ARF1: variants seen among roughly 807,000 people sequenced by gnomAD.
ARF1 encodes ARF GTPase 1, also known as ADP-ribosylation factor 1.
Under a neutral mutation model 18.0 loss-of-function variants are expected in ARF1, and 1 was observed. That is an observed-to-expected ratio of 0.06 (90% CI 0.02 to 0.26). ARF1 has a LOEUF of 0.26. Among genes scored for constraint, ARF1 ranks in the 10% least tolerant of loss-of-function variants. ARF1 has a pLI of 1.00. For missense variants in ARF1, 73 were observed against 247.2 expected, an observed-to-expected ratio of 0.30 and a Z score of 4.73; for synonymous variants, 112 against 96.3, an observed-to-expected ratio of 1.16 and a Z score of -0.95.
Position 228,097,801 on chromosome 1 carries a change from C to A in ARF1, c.385-51C>A. 6.3e-7 allele frequency: 1 copy of A among 1,590,758 alleles called. No homozygotes were observed. The highest frequency in any genetic ancestry group is 8.6e-7 in the Non-Finnish European group (1 of 1,166,598). On this transcript the variant is annotated intron_variant, in intron 4 of 4. Coordinates refer to ENST00000272102, the MANE Select transcript of ARF1 (RefSeq NM_001658.4). This position sits in a 1 kb window ranked among gnomAD's most constrained non-coding sequence, Gnocchi z 8.1. ...GGGGTTACTGGAGGCTGGTGGGGCCCCTTTCTCTGTCCTGTGGACAGCCCT... is the reference window on the plus strand; with the variant it reads ...GGGGTTACTGGAGGCTGGTGGGGCCACTTTCTCTGTCCTGTGGACAGCCCT...
In ARF1 at chr1:228,097,541, C is replaced by G. The variant is rs373902191; in HGVS notation, c.260-50C>G. The G allele has an allele frequency of 1.9e-6, 3 of 1,613,830 alleles. No individual in the cohort carries two copies. Among genetic ancestry groups the G allele is most frequent in the South Asian group, 1.1e-5 (1 of 91,076 alleles). On this transcript the variant is annotated intron_variant, in intron 3 of 4. Coordinates refer to ENST00000272102, the MANE Select transcript of ARF1 (RefSeq NM_001658.4). This position sits in a 1 kb window ranked among gnomAD's most constrained non-coding sequence, Gnocchi z 8.1. ...GATGGGGCATCGATGCCCATAGATGCGGCAGGGGGGCTGTGTTCCCATGAC... is the reference window on the plus strand; with the variant it reads ...GATGGGGCATCGATGCCCATAGATGGGGCAGGGGGGCTGTGTTCCCATGAC...
intron 1 of ARF1, among the ~76,000 whole-genome samples, chr1:228,083,977 TG>T (rs2032307515): frequency 6.6e-6 from 1 of 152,076 alleles, no homozygotes; most frequent in African/African-American, 2.4e-5. Flanking sequence ...CCTGTTGGAG[TG>T]GGCAGTTGTA....
At chr1:228,088,433 A>C (rs559809416) in intron 1 of ARF1, among the ~76,000 whole-genome samples, 4 of 152,130 alleles carry the variant, frequency 2.6e-5, no homozygotes, top group African/African-American at 9.7e-5. Flanking sequence ...GGGTGGCAGC[A>C]CTGGCACCTT....
At chr1:228,096,564 T>A (rs2032754145) in intron 1 of ARF1, 1 of 153,070 alleles carries the variant, frequency 6.5e-6, no homozygotes, top group African/African-American at 2.4e-5. Context: ...AGGGAACCCC[T>A]ACCCTTGCGG....
In ARF1 at chr1:228,097,843, T is replaced by A; in HGVS notation, c.385-9T>A. The A allele has an allele frequency of 6.2e-7, 1 of 1,611,784 alleles. No homozygotes were observed. Among genetic ancestry groups the A allele is most frequent in the Non-Finnish European group, 8.5e-7 (1 of 1,178,558 alleles). On this transcript the variant is annotated splice_polypyrimidine_tract_variant and intron_variant, in intron 4 of 4. Coordinates refer to ENST00000272102, the MANE Select transcript of ARF1 (RefSeq NM_001658.4). The surrounding 1 kb of genome is among the most constrained non-coding windows in gnomAD (Gnocchi z 8.1). ...GACAGCCCTTCCCACCAACCCTTCC[T>A]TCCCCCAGGACCTCCCCAACGCCAT...
chr1:228,097,836 CCCTT>C lies in ARF1; in HGVS notation c.385-9_385-6del, dbSNP rs779130765. On this transcript the variant is annotated splice_polypyrimidine_tract_variant and intron_variant, in intron 4 of 4. Coordinates refer to ENST00000272102, the MANE Select transcript of ARF1 (RefSeq NM_001658.4). The surrounding 1 kb of genome is among the most constrained non-coding windows in gnomAD (Gnocchi z 8.1). ...TCCTGTGGACAGCCCTTCCCACCAA[CCCTT>C]CCTTCCCCCAGGACCTCCCCAACGC... 3 of 1,610,318 alleles carry C rather than the reference CCCTT, an allele frequency of 1.9e-6. No individual in the cohort carries two copies. The South Asian group carries it at 3.3e-5, about 18-fold the overall frequency.
chr1:228,094,194 G>A (rs1472445186), intron 1 of ARF1, among the ~76,000 whole-genome samples: 2 of 152,142 alleles, frequency 1.3e-5, no homozygotes, highest in African/African-American at 4.8e-5. Flanking sequence ...CCCAAGTGCT[G>A]TGCTTCAGTG....
rs1400188719 is a variant in ARF1, at chr1:228,089,093, C to G, written c.-38+6328C>G. Among the ~76,000 whole-genome samples, 1 of 152,078 alleles carries G rather than the reference C, an allele frequency of 6.6e-6. No homozygotes were observed. Among genetic ancestry groups the G allele is most frequent in the African/African-American group, 2.4e-5 (1 of 41,386 alleles). On this transcript the variant is annotated intron_variant, in intron 1 of 4. Coordinates refer to ENST00000272102, the MANE Select transcript of ARF1 (RefSeq NM_001658.4). This position sits in a 1 kb window ranked among gnomAD's most constrained non-coding sequence, Gnocchi z 4.1. ...CTACTCGCATCACAGCGGAGAATGC[C>G]TGTTGGGTTTGGGAGGGGGGTTTCG...
intron 1 of ARF1, among the ~76,000 whole-genome samples, 155 bp from the exon 2 acceptor site, chr1:228,096,923 G>A (rs1478043493): frequency 1.3e-5 from 2 of 152,168 alleles, no homozygotes; most frequent in African/African-American, 2.4e-5. Context: ...ATCCTGAGGT[G>A]GATTTGGGGG....
rs1201556083 is a variant in ARF1 at position 228,097,513 on chromosome 1, A to G, written c.259+61A>G. On this transcript the variant is annotated intron_variant, in intron 3 of 4. Transcript: ENST00000272102. This position sits in a 1 kb window ranked among gnomAD's most constrained non-coding sequence, Gnocchi z 8.1. ...GCTTCTAGAGAGGGGGGGCCAGCCC[A>G]TAGATGGGGCATCGATGCCCATAGA... 1.2e-6 allele frequency: 2 copies of G among 1,613,700 alleles called. No homozygotes were observed. Among genetic ancestry groups the G allele is most frequent in the African/African-American group, 1.3e-5 (1 of 74,872 alleles).
Position 228,097,041 on chromosome 1 carries a change from A to C in ARF1, c.-37-37A>C. On this transcript the variant is annotated intron_variant, in intron 1 of 4. Transcript: ENST00000272102. The surrounding 1 kb of genome is among the most constrained non-coding windows in gnomAD (Gnocchi z 8.1). The stretch of plus-strand genomic sequence containing the variant: ...GGGTTCTGAGCAACCACTGCTGGGC[A>C]GCACAGAACCAGACATGGAGCACCT... 2.6e-6 allele frequency: 4 copies of C among 1,516,776 alleles called. No homozygotes were observed. The highest frequency in any genetic ancestry group is 3.5e-6 in the Non-Finnish European group (4 of 1,126,968). The allele number at this position is 1,516,776 out of a possible 1,614,324, so 94.0% of individuals were successfully genotyped here.
At chr1:228,085,469 G>C (rs2032363755) in intron 1 of ARF1, among the ~76,000 whole-genome samples, 1 of 152,190 alleles carries the variant, frequency 6.6e-6, no homozygotes, top group Admixed American at 6.5e-5. Flanking sequence ...CCTCCCCCAG[G>C]GTCCTGTCAC....
rs780499813 is a variant in ARF1, at chr1:228,097,562, A to G, written c.260-29A>G. On this transcript the variant is annotated intron_variant, in intron 3 of 4. Coordinates refer to ENST00000272102, the MANE Select transcript of ARF1 (RefSeq NM_001658.4). The surrounding 1 kb of genome is among the most constrained non-coding windows in gnomAD (Gnocchi z 8.1). ...GATGCGGCAGGGGGGCTGTGTTCCC[A>G]TGACCATTTGACACTGGCTGCCCGG... 9 of 1,613,970 alleles carry G rather than the reference A, an allele frequency of 5.6e-6. No individual in the cohort carries two copies. Among genetic ancestry groups the G allele is most frequent in the Admixed American group, 5.0e-5 (3 of 60,014 alleles).
At chr1:228,083,687 G>T (rs2032296795) in intron 1 of ARF1, among the ~76,000 whole-genome samples, 2 of 152,360 alleles carry the variant, frequency 1.3e-5, no homozygotes, top group South Asian at 4.1e-4. Flanking sequence ...GCAGACTCTA[G>T]GCCGCAGAGG....
intron 1 of ARF1, among the ~76,000 whole-genome samples, chr1:228,086,885 A>C (rs1240335688): frequency 6.6e-6 from 1 of 152,226 alleles, no homozygotes; most frequent in African/African-American, 2.4e-5. Flanking sequence ...GATTGCCTCC[A>C]GGTAGACAGT....
chr1:228,098,288 G>T lies in ARF1; in HGVS notation c.*275G>T. 1 of 292,282 alleles carries T rather than the reference G, an allele frequency of 3.4e-6. No homozygotes were observed. The highest frequency in any genetic ancestry group is 6.3e-6 in the Non-Finnish European group (1 of 159,626). 18.1% of individuals were successfully genotyped at this position (292,282 alleles called of 1,614,324 possible). Reference sequence around the variant, plus strand: ...AAAAATCAACTCACTGTTCAGTGCTGAGAGGGGATGTAGGCCCATGGGCAC... The same window carrying T: ...AAAAATCAACTCACTGTTCAGTGCTTAGAGGGGATGTAGGCCCATGGGCAC... On this transcript the variant is annotated 3_prime_UTR_variant, in exon 5 of 5. Coordinates refer to ENST00000272102, the MANE Select transcript of ARF1 (RefSeq NM_001658.4).
At position 228,089,358 on chromosome 1, in the gene ARF1, C is replaced by T. The variant is rs1344309733; in HGVS notation, c.-38+6593C>T. 6.6e-6 allele frequency among the ~76,000 whole-genome samples: 1 copy of T among 152,134 alleles called. No homozygotes were observed. The highest frequency in any genetic ancestry group is 6.5e-5 in the Admixed American group (1 of 15,274). The stretch of plus-strand genomic sequence containing the variant: ...GATTTCCTGCAAGGGCGGTGGCCTC[C>T]CAGGGTCTGTGGGGGGGCATCCCCG... On this transcript the variant is annotated intron_variant, in intron 1 of 4. Transcript: ENST00000272102. The surrounding 1 kb of genome is among the most constrained non-coding windows in gnomAD (Gnocchi z 4.1).
Position 228,090,941 on chromosome 1 carries a change from A to G in ARF1, c.-37-6137A>G, listed in dbSNP as rs190223947. On this transcript the variant is annotated intron_variant, in intron 1 of 4. Coordinates refer to ENST00000272102, the MANE Select transcript of ARF1 (RefSeq NM_001658.4). ...GAGGTCATGAGACACTGCCTTCAGCAGCCCTGGGAGTCCACCTGGTGTGTG... is the reference window on the plus strand; with the variant it reads ...GAGGTCATGAGACACTGCCTTCAGCGGCCCTGGGAGTCCACCTGGTGTGTG... 8 of 152,388 alleles carry G rather than the reference A, an allele frequency of 5.2e-5. No homozygotes were observed. In the East Asian group the frequency reaches 1.5e-3, roughly 29 times the overall value. 9.4% of individuals were successfully genotyped at this position (152,388 alleles called of 1,614,324 possible). A position where few individuals can be genotyped will look rare whatever the true frequency, so the allele number is the denominator to read the frequency against.
chr1:228,083,384 C>T (rs1268901878), intron 1 of ARF1: 1 of 152,372 alleles, frequency 6.6e-6, no homozygotes, highest in Admixed American at 6.5e-5. Context: ...GGTACCGGGT[C>T]AGGGGTGGTG....
Sources: gnomAD v4.1 joint callset for allele counts (sites outside exome capture counted in the v4.1 genomes callset) on GRCh38, gnomAD v4.1.1 for gene constraint, Gnocchi (gnomAD v3.1) non-coding constraint, MANE v1.5 for transcripts, NCBI Gene and HGNC (gene_info 2026-07-23, HGNC 2026-07-21) for gene names.